Variants in CD226 observed in about 807,000 individuals in gnomAD.
CD226 encodes CD226 molecule, also known as CD226 antigen.
CD226 carries 24 observed loss-of-function variants against 34.9 expected under a neutral mutation model. The observed-to-expected ratio is 0.69, with a 90% confidence interval of 0.50 to 0.97. CD226 has a LOEUF of 0.97. CD226 is among the 50% of genes least tolerant of loss of function. CD226 has a pLI of 0.00. For synonymous variants in CD226, 148 were observed against 147.4 expected (o/e 1.00, Z -0.03); for missense variants, 397 against 412.7 (o/e 0.96, Z 0.33).
In CD226 at chr18:69,895,729, G is replaced by C. The variant is rs1985231986; in HGVS notation, c.699C>G (p.Thr233=). 1.9e-6 allele frequency: 3 copies of C among 1,613,712 alleles called. No individual in the cohort carries two copies. The highest frequency in any genetic ancestry group is 2.2e-5 in the South Asian group (2 of 91,078). ...CGGCTACAGTCAATCTCATCACGAA[G>C]GTTTCGTTTTCTCCTGCGCTGGCCT... is the stretch of plus-strand genomic sequence containing the variant. ...YLQASAGENE[T]FVMRLTVAEG... The change falls in exon 3 of 6, where the codon ACC becomes ACG. Residue 233 remains threonine (T), a synonymous_variant. Transcript: ENST00000582621.
At chr18:69,940,983 T>C (rs1386634921) in intron 2 of CD226, among the ~76,000 whole-genome samples, 1 of 152,160 alleles carries the variant, frequency 6.6e-6, no homozygotes, top group Non-Finnish European at 1.5e-5. Flanking sequence ...GTGCCCTATG[T>C]CCCAGCCACG....
At chr18:69,899,895 A>G (rs1985503552) in intron 2 of CD226, among the ~76,000 whole-genome samples, 2 of 152,214 alleles carry the variant, frequency 1.3e-5, no homozygotes, top group African/African-American at 4.8e-5. Context: ...ATAAAAGCAG[A>G]ACTACCATTT....
At position 69,919,088 on chromosome 18, in the gene CD226, G is replaced by A. The variant is rs192770123; in HGVS notation, c.383-23043C>T. ...GCAGCCAAATGAAGAAAAAAGAGCC[G>A]AAAGGAAATAAATGGCAAACTGAGA... On this transcript the variant is annotated intron_variant, in intron 2 of 5. Transcript: ENST00000582621. Among the ~76,000 whole-genome samples the A allele has an allele frequency of 1.7e-4, 26 of 152,306 alleles. No individual in the cohort carries two copies. The East Asian group carries it at 2.7e-3, about 16-fold the overall frequency.
chr18:69,893,842 T>C (rs892440342), intron 3 of CD226, among the ~76,000 whole-genome samples: 1 of 152,240 alleles, frequency 6.6e-6, no homozygotes, highest in Non-Finnish European at 1.5e-5. Flanking sequence ...TATGAAAAGA[T>C]GTTATTCCCT....
At chr18:69,866,158 C>T (rs58180206) in intron 5 of CD226, among the ~76,000 whole-genome samples, 2,110 of 152,278 alleles carry the variant, frequency 0.014, 52 homozygotes, top group African/African-American at 0.048. Context: ...ATCCCATTCA[C>T]GAAGACGCCA....
rs1050809732 is a variant in CD226, at chr18:69,854,902, A to G, written c.*9412T>C. On this transcript the variant is annotated 3_prime_UTR_variant, in exon 6 of 6. Coordinates refer to ENST00000582621, the MANE Select transcript of CD226 (RefSeq NM_001303618.2). ...GCTGAAAGACAGAAAGTCTCTCTGA[A>G]GAGGAGCACTTAGGGAAGCCTGAAC... 4 of 152,408 alleles carry G rather than the reference A, an allele frequency of 2.6e-5. No individual in the cohort carries two copies. The highest frequency in any genetic ancestry group is 9.6e-5 in the African/African-American group (4 of 41,480). The allele number at this position is 152,408 out of a possible 1,614,324, so 9.4% of individuals were successfully genotyped here. A position where few individuals can be genotyped will look rare whatever the true frequency, so the allele number is the denominator to read the frequency against.
At chr18:69,919,147 A>C (rs922139757) in intron 2 of CD226, among the ~76,000 whole-genome samples, 6 of 152,244 alleles carry the variant, frequency 3.9e-5, no homozygotes, top group African/African-American at 1.4e-4. Flanking sequence ...AAATGTTCGG[A>C]CAGTTGAGGC....
chr18:69,885,354 A>G (rs759918877), intron 3 of CD226, among the ~76,000 whole-genome samples: 1 of 152,206 alleles, frequency 6.6e-6, no homozygotes, highest in Non-Finnish European at 1.5e-5. Flanking sequence ...ACTGTCCCTA[A>G]GGAAGGAGGG....
rs1982888366 is a variant in CD226 at position 69,862,693 on chromosome 18, T to G, written c.*1621A>C. 2 of 151,528 alleles carry G rather than the reference T, an allele frequency of 1.3e-5. No individual in the cohort carries two copies. The highest frequency in any genetic ancestry group is 6.6e-5 in the Admixed American group (1 of 15,108). 9.4% of individuals were successfully genotyped at this position (151,528 alleles called of 1,614,324 possible). ...TAATTCACAAAACAAGTGCATTATT[T>G]GGCATACATGGTGTTTAAGGCTAAA... On this transcript the variant is annotated 3_prime_UTR_variant, in exon 6 of 6. Coordinates refer to ENST00000582621, the MANE Select transcript of CD226 (RefSeq NM_001303618.2).
rs1982638931 is a variant in CD226 at position 69,857,219 on chromosome 18, AC to A, written c.*7094del. On this transcript the variant is annotated 3_prime_UTR_variant, in exon 6 of 6. Transcript: ENST00000582621. ...ATTGAAAGAATTATAAAATAGACAT[AC>A]AAAATTACAGAAAGGTTAGAAGAGT... 1 of 152,254 alleles carries A rather than the reference AC, an allele frequency of 6.6e-6. No homozygotes were observed. The highest frequency in any genetic ancestry group is 2.4e-5 in the African/African-American group (1 of 41,482). The allele number at this position is 152,254 out of a possible 1,614,324, so 9.4% of individuals were successfully genotyped here.
At chr18:69,870,272 CTTTTTTTTTTT>C (rs66643759) in intron 4 of CD226, among the ~76,000 whole-genome samples, 2 of 124,102 alleles carry the variant, frequency 1.6e-5, no homozygotes, top group Non-Finnish European at 3.3e-5. Flanking sequence ...TTGGCTCCCC[CTTTTTTTTTTT>C]TTTTTTTTTG....
intron 3 of CD226, among the ~76,000 whole-genome samples, chr18:69,876,401 C>T (rs887711924): frequency 1.3e-5 from 2 of 152,134 alleles, no homozygotes; most frequent in African/African-American, 2.4e-5. Flanking sequence ...AATTATAAAT[C>T]CAAATTTCAG....
intron 2 of CD226, among the ~76,000 whole-genome samples, chr18:69,944,963 G>A (rs2055771456): frequency 6.6e-6 from 1 of 152,154 alleles, no homozygotes; most frequent in Non-Finnish European, 1.5e-5. Flanking sequence ...ATATGAAGAT[G>A]TTTCTTATCT....
At position 69,861,554 on chromosome 18, in the gene CD226, G is replaced by GTATATGTATATATATATATATATATATA. The variant is rs1555675809; in HGVS notation, c.*2759_*2760insTATATATATATATATATATATACATATA. 1.6e-5 allele frequency: 2 copies of GTATATGTATATATATATATATATATATA among 127,946 alleles called. No individual in the cohort carries two copies. Among genetic ancestry groups the GTATATGTATATATATATATATATATATA allele is most frequent in the African/African-American group, 5.5e-5 (2 of 36,320 alleles). The allele number at this position is 127,946 out of a possible 1,614,324, so 7.9% of individuals were successfully genotyped here. Reference sequence around the variant, plus strand: ...ATAAATTATATGTGTATATATATATGTATATATATATATATATATGTAAAA... The same window carrying GTATATGTATATATATATATATATATATA: ...ATAAATTATATGTGTATATATATATGTATATGTATATATATATATATATATATATATATATATATATATATATGTAAAA... On this transcript the variant is annotated 3_prime_UTR_variant, in exon 6 of 6. Transcript: ENST00000582621.
At chr18:69,945,554 G>C (rs2055779008) in intron 2 of CD226, among the ~76,000 whole-genome samples, 1 of 152,138 alleles carries the variant, frequency 6.6e-6, no homozygotes, top group African/African-American at 2.4e-5. Flanking sequence ...ACCTGGATGA[G>C]GTGAAAGATA....
At chr18:69,919,779 G>A (rs926806411) in intron 2 of CD226, among the ~76,000 whole-genome samples, 3 of 151,968 alleles carry the variant, frequency 2.0e-5, no homozygotes, top group South Asian at 4.1e-4. Context: ...ACCAAACACC[G>A]AATGAGGATT....
At chr18:69,925,790 C>G (rs1477368666) in intron 2 of CD226, among the ~76,000 whole-genome samples, 1 of 152,136 alleles carries the variant, frequency 6.6e-6, no homozygotes, top group Admixed American at 6.5e-5. Flanking sequence ...ACATTAAAAC[C>G]CTTCAATAAA....
intron 2 of CD226, among the ~76,000 whole-genome samples, chr18:69,911,326 C>T (rs968472160): frequency 6.6e-6 from 1 of 152,136 alleles, no homozygotes; most frequent in Non-Finnish European, 1.5e-5. Flanking sequence ...CAACTGAACA[C>T]CGGCATCCTT....
intron 2 of CD226, among the ~76,000 whole-genome samples, chr18:69,928,359 G>A (rs2055548918): frequency 6.6e-6 from 1 of 152,106 alleles, no homozygotes; most frequent in Non-Finnish European, 1.5e-5. Flanking sequence ...CAACATTATT[G>A]GGATCATGAA....
Sources: allele counts gnomAD v4.1 joint callset (sites outside exome capture counted in the v4.1 genomes callset), GRCh38; gene constraint gnomAD v4.1.1; transcripts MANE v1.5; gene names NCBI Gene and HGNC (gene_info 2026-07-23, HGNC 2026-07-21).